The following METTL21C variants were observed in gnomAD, a reference collection of about 807,000 sequenced individuals.
METTL21C encodes methyltransferase 21C, AARS1 lysine.
Under a neutral mutation model 25.9 loss-of-function variants are expected in METTL21C, and 21 were observed. That is an observed-to-expected ratio of 0.81 (90% CI 0.58 to 1.17). METTL21C has a LOEUF of 1.17. Among genes scored for constraint, METTL21C ranks in the 50% most tolerant of loss-of-function variants. The pLI is 0.00. For missense variants in METTL21C, 312 were observed against 315.1 expected (o/e 0.99, Z 0.07); for synonymous variants, 125 against 124.7 (o/e 1.00, Z -0.01).
At chr13:102,686,449 C>A in intron 3 of METTL21C, 24 bp from the exon 4 acceptor site, 1 of 1,589,366 alleles carries the variant, frequency 6.3e-7, no homozygotes, top group South Asian at 1.2e-5. Context: ...AAAACAATGA[C>A]CTGGAAACAT....
At chr13:102,697,418 GC>G (rs1345147712), upstream of METTL21C, among the ~76,000 whole-genome samples, 1 of 152,124 alleles carries the variant, frequency 6.6e-6, no homozygotes, top group African/African-American at 2.4e-5. Flanking sequence ...GCACAGGACA[GC>G]CCCGCACAGC....
At chr13:102,693,750 G>A (rs766395332) in intron 1 of METTL21C, among the ~76,000 whole-genome samples, 1 of 152,204 alleles carries the variant, frequency 6.6e-6, no homozygotes. Context: ...GTTTTAGAGA[G>A]ATCAGATTTT....
chr13:102,697,380 C>T (rs745657925), upstream of METTL21C, among the ~76,000 whole-genome samples: 46 of 152,176 alleles, frequency 3.0e-4, no homozygotes, highest in Admixed American at 1.0e-3. Flanking sequence ...ATCTAGTGCA[C>T]GGAGGATGCT....
upstream of METTL21C, among the ~76,000 whole-genome samples, chr13:102,699,447 C>G (rs543562296): frequency 2.1e-4 from 32 of 152,250 alleles, no homozygotes; most frequent in South Asian, 6.2e-4. Context: ...ATTCCTGTTC[C>G]CATCCCAGAA....
chr13:102,689,050 CAG>C (rs545037570), intron 2 of METTL21C, among the ~76,000 whole-genome samples: 111 of 152,200 alleles, frequency 7.3e-4, no homozygotes, highest in Middle Eastern at 3.4e-3. Flanking sequence ...CAGAATAAAA[CAG>C]GGGGACAAAT....
At chr13:102,693,413 C>T (rs1275008117) in intron 1 of METTL21C, among the ~76,000 whole-genome samples, 1 of 152,198 alleles carries the variant, frequency 6.6e-6, no homozygotes, top group African/African-American at 2.4e-5. Flanking sequence ...CATCAGGGAC[C>T]TGTACCAGCC....
intron 3 of METTL21C, 91 bp downstream of exon 3, chr13:102,686,849 G>A: frequency 1.0e-6 from 1 of 992,432 alleles, no homozygotes; most frequent in Non-Finnish European, 1.6e-6. Flanking sequence ...TTAGGGCCAG[G>A]CACCTAAACC....
chr13:102,702,222 G>C, the METTL21C span, among the ~76,000 whole-genome samples: 3 of 144,382 alleles, frequency 2.1e-5, no homozygotes, highest in African/African-American at 8.8e-5. Context: ...GAGAGAGAGA[G>C]AGAGACAGAA....
chr13:102,688,367 C>T (rs1013648234), intron 2 of METTL21C, among the ~76,000 whole-genome samples: 1 of 152,168 alleles, frequency 6.6e-6, no homozygotes, highest in Non-Finnish European at 1.5e-5. Context: ...AGTGGTGGGG[C>T]TTAGGGGCCA....
At chr13:102,690,454 G>T (rs1885799944) in intron 2 of METTL21C, among the ~76,000 whole-genome samples, 1 of 151,492 alleles carries the variant, frequency 6.6e-6, no homozygotes, top group Non-Finnish European at 1.5e-5. Flanking sequence ...GAGATGAATG[G>T]CTGAGGGTCG....
chr13:102,696,398 G>A (rs1384816526), upstream of METTL21C, among the ~76,000 whole-genome samples: 1 of 152,020 alleles, frequency 6.6e-6, no homozygotes, highest in Non-Finnish European at 1.5e-5. Flanking sequence ...AGAGCATTAG[G>A]AGAAATACCT....
chr13:102,690,026 C>T (rs906048337), intron 2 of METTL21C, among the ~76,000 whole-genome samples: 3 of 152,168 alleles, frequency 2.0e-5, no homozygotes, highest in Non-Finnish European at 4.4e-5. Context: ...AGGACTGCCC[C>T]CATTTCAGCG....
chr13:102,692,780 A>G (rs1244024911), intron 1 of METTL21C, among the ~76,000 whole-genome samples: 2 of 152,170 alleles, frequency 1.3e-5, no homozygotes, highest in African/African-American at 4.8e-5. Flanking sequence ...TAACCAATTC[A>G]GTCCTGAGAC....
At position 102,686,926 on chromosome 13, in the gene METTL21C, A is replaced by G. The variant is rs1885689623; in HGVS notation, c.400+14T>C. 1.3e-6 allele frequency: 2 copies of G among 1,593,714 alleles called. No homozygotes were observed. Among genetic ancestry groups the G allele is most frequent in the Non-Finnish European group, 1.7e-6 (2 of 1,161,382 alleles). Reference sequence around the variant, plus strand: ...TAAAGATCTGGATACTAGGTCAGGAATAAACAAACAAACCTAAAATACTGG... The same window carrying G: ...TAAAGATCTGGATACTAGGTCAGGAGTAAACAAACAAACCTAAAATACTGG... On this transcript the variant is annotated intron_variant, in intron 3 of 3. Transcript: ENST00000267273.
chr13:102,694,305 T>TGTCATCGCCAG, intron 1 of METTL21C, 64 bp downstream of exon 1: 1 of 1,546,864 alleles, frequency 6.5e-7, no homozygotes, highest in South Asian at 1.1e-5. Flanking sequence ...GAAATTTACT[T>TGTCATCGCCAG]GAAGATGTCA....
the METTL21C span, among the ~76,000 whole-genome samples, chr13:102,701,551 A>G: frequency 7.9e-5 from 12 of 152,166 alleles, no homozygotes; most frequent in East Asian, 2.3e-3. Flanking sequence ...CGTTTAGGGG[A>G]CAAACCACTG....
At chr13:102,702,946 A>G in the METTL21C span, among the ~76,000 whole-genome samples, 1 of 152,250 alleles carries the variant, frequency 6.6e-6, no homozygotes, top group Non-Finnish European at 1.5e-5. Context: ...GTAATTTTTA[A>G]AATATGCCAT....
chr13:102,686,686 A>C (rs770866036), intron 3 of METTL21C, among the ~76,000 whole-genome samples: 2 of 152,186 alleles, frequency 1.3e-5, no homozygotes, highest in Non-Finnish European at 2.9e-5. Flanking sequence ...TGGGATTGAC[A>C]ACAGAGATTC....
At chr13:102,697,815 C>A (rs1222218991), upstream of METTL21C, among the ~76,000 whole-genome samples, 3 of 152,144 alleles carry the variant, frequency 2.0e-5, no homozygotes, top group African/African-American at 7.2e-5. Flanking sequence ...AGGGTGACAT[C>A]CTGCCACGTG....
Sources: allele counts gnomAD v4.1 joint callset (sites outside exome capture counted in the v4.1 genomes callset), GRCh38; gene constraint gnomAD v4.1.1; transcripts MANE v1.5; gene names NCBI Gene and HGNC (gene_info 2026-07-23, HGNC 2026-07-21).